WWOX: variants seen among roughly 807,000 people sequenced by gnomAD.
The protein encoded by WWOX is WW domain containing oxidoreductase.
A neutral mutation model predicts 46.2 loss-of-function variants in WWOX; 69 were observed. The ratio of observed to expected loss-of-function variants is 1.49; its 90% CI spans 1.23 to 1.82. WWOX has a LOEUF of 1.82. Ranked by LOEUF, WWOX falls within the 40% of genes most tolerant of loss-of-function variation. WWOX has a pLI of 0.00. For synonymous variants in WWOX, 359 were observed against 202.6 expected, an observed-to-expected ratio of 1.77 and a Z score of -6.56; for missense variants, 919 against 542.6, an observed-to-expected ratio of 1.69 and a Z score of -6.89.
At chr16:79,191,210 C>T (rs1007375636) in intron 8 of WWOX, among the ~76,000 whole-genome samples, 28 of 152,078 alleles carry the variant, frequency 1.8e-4, no homozygotes, top group Admixed American at 5.2e-4. Context: ...CCTGCCACCA[C>T]ACCTGGCTAA....
intron 8 of WWOX, among the ~76,000 whole-genome samples, chr16:78,491,893 C>T (rs887372252): frequency 2.4e-4 from 37 of 152,184 alleles, no homozygotes; most frequent in African/African-American, 7.5e-4. Flanking sequence ...GCCTTCTACT[C>T]CTCTTTTCAT....
chr16:78,756,767 C>T (rs2049659435), intron 8 of WWOX, among the ~76,000 whole-genome samples: 1 of 152,182 alleles, frequency 6.6e-6, no homozygotes, highest in Non-Finnish European at 1.5e-5. Flanking sequence ...AATGTGGCCT[C>T]TGGTGATTCT....
chr16:78,850,346 A>C (rs774072775), intron 8 of WWOX, among the ~76,000 whole-genome samples: 1 of 152,172 alleles, frequency 6.6e-6, no homozygotes, highest in South Asian at 2.1e-4. Context: ...TTGATACTAC[A>C]TCCCGAGTGT....
intron 8 of WWOX, among the ~76,000 whole-genome samples, chr16:78,747,094 T>G (rs2049365641): frequency 6.6e-6 from 1 of 152,156 alleles, no homozygotes; most frequent in African/African-American, 2.4e-5. Context: ...GTCTTCTTTC[T>G]TTTCCTGGGA....
chr16:78,364,666 A>C (rs866313308), intron 5 of WWOX, among the ~76,000 whole-genome samples: 2 of 95,728 alleles, frequency 2.1e-5, no homozygotes, highest in Admixed American at 9.3e-5. Context: ...CTCTTTCTCT[A>C]TAATACAGAA....
chr16:78,816,502 CTTTTTTTTTTTTT>C (rs55814418), intron 8 of WWOX, among the ~76,000 whole-genome samples: 64 of 42,108 alleles, frequency 1.5e-3, no homozygotes, highest in South Asian at 3.4e-3. Context: ...AGGAGCCACT[CTTTTTTTTTTTTT>C]TTTTTTTTTT....
At chr16:78,759,044 C>G (rs1190128220) in intron 8 of WWOX, among the ~76,000 whole-genome samples, 1 of 151,706 alleles carries the variant, frequency 6.6e-6, no homozygotes, top group African/African-American at 2.4e-5. Context: ...ACTTCCCTTT[C>G]TATTTTTGTG....
At chr16:78,416,646 A>G (rs1338024458) in intron 6 of WWOX, among the ~76,000 whole-genome samples, 1 of 152,220 alleles carries the variant, frequency 6.6e-6, no homozygotes, top group Non-Finnish European at 1.5e-5. Flanking sequence ...AAGTAACTAG[A>G]AGAGACATTG....
At chr16:79,153,492 C>G (rs1475633052) in intron 8 of WWOX, among the ~76,000 whole-genome samples, 1 of 152,152 alleles carries the variant, frequency 6.6e-6, no homozygotes, top group Non-Finnish European at 1.5e-5. Context: ...GTCGTTATGT[C>G]TAGACCCCTG....
chr16:78,110,589 T>C (rs1464938477), intron 3 of WWOX, among the ~76,000 whole-genome samples: 1 of 152,216 alleles, frequency 6.6e-6, no homozygotes, highest in Non-Finnish European at 1.5e-5. Flanking sequence ...AGCATCCTTA[T>C]CTGTAAGACT....
At chr16:78,389,754 T>A (rs2082139723) in intron 6 of WWOX, among the ~76,000 whole-genome samples, 1 of 152,102 alleles carries the variant, frequency 6.6e-6, no homozygotes, top group East Asian at 1.9e-4. Flanking sequence ...TTAGTTTATT[T>A]TTTATTTATT....
At chr16:78,579,037 C>T (rs558177548) in intron 8 of WWOX, among the ~76,000 whole-genome samples, 1 of 152,190 alleles carries the variant, frequency 6.6e-6, no homozygotes, top group East Asian at 1.9e-4. Context: ...TTCCTTTGCC[C>T]TTTTCGTAGG....
chr16:78,775,425 T>A (rs144028076), intron 8 of WWOX, among the ~76,000 whole-genome samples: 7 of 152,298 alleles, frequency 4.6e-5, no homozygotes, highest in African/African-American at 1.7e-4. Context: ...TGATGTTCTT[T>A]TGTGGCTTGT....
At chr16:79,173,364 G>A (rs2050739277) in intron 8 of WWOX, among the ~76,000 whole-genome samples, 1 of 152,142 alleles carries the variant, frequency 6.6e-6, no homozygotes, top group South Asian at 2.1e-4. Flanking sequence ...TAACCCATTG[G>A]TGCAGATATG....
chr16:78,500,503 G>A (rs765916093), intron 8 of WWOX, among the ~76,000 whole-genome samples: 44 of 151,594 alleles, frequency 2.9e-4, no homozygotes, highest in Admixed American at 1.7e-3. Context: ...GTTAACCATG[G>A]TAGCATTTTA....
At chr16:78,709,562 G>A (rs2048395129) in intron 8 of WWOX, among the ~76,000 whole-genome samples, 1 of 152,068 alleles carries the variant, frequency 6.6e-6, no homozygotes, top group Non-Finnish European at 1.5e-5. Flanking sequence ...CTGAACACTT[G>A]CCTGTCTGCA....
chr16:78,161,331 T>G (rs1048764143), intron 4 of WWOX, among the ~76,000 whole-genome samples: 8 of 152,224 alleles, frequency 5.3e-5, no homozygotes, highest in African/African-American at 1.9e-4. Flanking sequence ...CACCTTATTA[T>G]TGGCTTCCTG....
chr16:78,740,750 G>T (rs549374498), intron 8 of WWOX, among the ~76,000 whole-genome samples: 4 of 152,228 alleles, frequency 2.6e-5, no homozygotes, highest in African/African-American at 9.6e-5. Flanking sequence ...ACCAAATGCA[G>T]GTCCACCCTG....
rs1224800586 is a variant in WWOX at position 78,744,992 on chromosome 16, C to A, written c.1056+312240C>A. Among the ~76,000 whole-genome samples the A allele has an allele frequency of 4.6e-5, 7 of 152,312 alleles. No individual in the cohort carries two copies. In the East Asian group the frequency reaches 1.2e-3, roughly 25 times the overall value. ...TGACTTCATCATGACTCCTGGCTTC[C>A]CCAGTCCCTGCTTCCCAGCACATAC... On this transcript the variant is annotated intron_variant, in intron 8 of 8. Transcript: ENST00000566780.
Sources: allele counts gnomAD v4.1 joint callset (sites outside exome capture counted in the v4.1 genomes callset), GRCh38; gene constraint gnomAD v4.1.1; transcripts MANE v1.5; gene names NCBI Gene and HGNC (gene_info 2026-07-23, HGNC 2026-07-21).